The following SREBF2 variants were observed in gnomAD, a reference collection of about 807,000 sequenced individuals.
SREBF2 encodes sterol regulatory element-binding protein 2.
In SREBF2, 55 loss-of-function variants were observed where a neutral mutation model predicts 113.1. The ratio of observed to expected loss-of-function variants is 0.49; its 90% CI spans 0.39 to 0.61. The LOEUF is 0.61. SREBF2 is among the 20% of genes least tolerant of loss of function. The pLI is 0.00. For synonymous variants in SREBF2, 593 were observed against 605.7 expected (o/e 0.98, Z 0.31); for missense variants, 1,349 against 1,487.4 (o/e 0.91, Z 1.53).
Position 41,898,786 on chromosome 22 carries a change from G to T in SREBF2, c.2738+5G>T. 6.2e-7 allele frequency: 1 copy of T among 1,613,854 alleles called. No homozygotes were observed. Among genetic ancestry groups the T allele is most frequent in the Admixed American group, 1.7e-5 (1 of 59,980 alleles). On this transcript the variant is annotated splice_donor_5th_base_variant and intron_variant, in intron 15 of 18. Transcript: ENST00000361204. ...CAAGGCCCTGGAAGTGACAGAGTGC[G>T]TAACCCTCCTTGGCCACTCACTTGC...
chr22:41,865,614 A>G (rs566357282), intron 1 of SREBF2, among the ~76,000 whole-genome samples: 1 of 152,262 alleles, frequency 6.6e-6, no homozygotes, highest in East Asian at 1.9e-4. Context: ...AGCTACTTGG[A>G]ACATGATCTA....
Position 41,897,135 on chromosome 22 carries a change from G to A in SREBF2, c.2579G>A (p.Arg860Lys). The change falls in exon 14 of 19, where the codon AGG (arginine) becomes AAG (lysine). Residue 860 changes from arginine (R) to lysine (K), a missense_variant. Arg to Lys is a conservative substitution (Grantham distance 26). Around this residue, in one of 2 missense-constraint regions of SREBF2, gnomAD observed 650 missense variants for 644.1 expected, o/e 1.01. Transcript: ENST00000361204. ...GGGGTTATGAGCCCCCCACTCTCCAGGAGCTCCGTGCTCAAGTCCGCCCTG... is the reference window on the plus strand; with the variant it reads ...GGGGTTATGAGCCCCCCACTCTCCAAGAGCTCCGTGCTCAAGTCCGCCCTG... ...SVGVMSPPLS[R>K]SSVLKSALGP... is the part of the protein sequence containing the mutation. 1 of 1,611,942 alleles carries A rather than the reference G, an allele frequency of 6.2e-7. No individual in the cohort carries two copies. Among genetic ancestry groups the A allele is most frequent in the African/African-American group, 1.3e-5 (1 of 74,958 alleles).
Position 41,900,443 on chromosome 22 carries a change from A to T in SREBF2, c.2852A>T (p.His951Leu). Residue 951 changes from histidine to leucine, a missense_variant, in exon 16 of 19, where the codon CAC (histidine) becomes CTC (leucine). Physicochemically the swap from His to Leu is moderately conservative, Grantham distance 99. Coordinates refer to ENST00000361204, the MANE Select transcript of SREBF2 (RefSeq NM_004599.4). ...TGCCATTGCGAGAGGGCCAGTGGCCACCTATGGAGCAGCCTCAACGTCAGT... is the reference window on the plus strand; with the variant it reads ...TGCCATTGCGAGAGGGCCAGTGGCCTCCTATGGAGCAGCCTCAACGTCAGT... ...SFCHCERASG[H>L]LWSSLNVSGA... The T allele has an allele frequency of 6.2e-7, 1 of 1,613,866 alleles. No individual in the cohort carries two copies.
chr22:41,896,442 C>G (rs1212743475), intron 13 of SREBF2, among the ~76,000 whole-genome samples: 2 of 152,158 alleles, frequency 1.3e-5, no homozygotes, highest in Non-Finnish European at 2.9e-5. Flanking sequence ...TCACTGCAAC[C>G]TCTGCCTCCT....
At position 41,875,209 on chromosome 22, in the gene SREBF2, G is replaced by GT. The variant is rs1274731204; in HGVS notation, c.1090-128_1090-127insT. 3 of 747,614 alleles carry GT rather than the reference G, an allele frequency of 4.0e-6. No individual in the cohort carries two copies. In the African/African-American group the frequency reaches 5.2e-5, roughly 13 times the overall value. The allele number at this position is 747,614 out of a possible 1,614,324, so 46.3% of individuals were successfully genotyped here. The stretch of plus-strand genomic sequence containing the variant: ...CGAGTGGCACAGCTAATCATTGGGA[G>GT]GACCAGCATCTGAACTTGGTTTCTC... On this transcript the variant is annotated intron_variant, in intron 5 of 18. Transcript: ENST00000361204.
intron 1 of SREBF2, among the ~76,000 whole-genome samples, chr22:41,849,352 C>T (rs1000702900): frequency 5.9e-5 from 9 of 152,070 alleles, no homozygotes; most frequent in Admixed American, 2.0e-4. Flanking sequence ...CCGCCACGCC[C>T]GGCTAACTTT....
intron 12 of SREBF2, among the ~76,000 whole-genome samples, chr22:41,894,102 C>G (rs1226311440): frequency 1.3e-5 from 2 of 152,184 alleles, no homozygotes; most frequent in Admixed American, 6.5e-5. Context: ...CTACCCCACC[C>G]CTGCTGGCTA....
At chr22:41,841,237 A>G (rs1446737487) in intron 1 of SREBF2, among the ~76,000 whole-genome samples, 3 of 152,242 alleles carry the variant, frequency 2.0e-5, no homozygotes, top group Non-Finnish European at 4.4e-5. Flanking sequence ...AAAACTGCTC[A>G]GTGAGATGAA....
In SREBF2 at chr22:41,871,033, C is replaced by T; in HGVS notation, c.865C>T (p.Pro289Ser). The T allele has an allele frequency of 1.2e-6, 2 of 1,614,028 alleles. No homozygotes were observed. The highest frequency in any genetic ancestry group is 1.7e-6 in the Non-Finnish European group (2 of 1,180,010). ...TPIQTAALQV[P>S]TLVGSSGTIL... ...TATCCAGACGGCTGCCCTTCAAGTA[C>T]CAGTAAGAGCTGCCTTCTCCCCCAC... Residue 289 changes from proline (P) to serine (S), a missense_variant and splice_region_variant, in exon 4 of 19, where the codon CCA (proline) becomes TCA (serine). This residue lies in a region of SREBF2 where 699 missense variants were observed against 843.3 expected (regional missense o/e 0.83). Transcript: ENST00000361204.
intron 2 of SREBF2, among the ~76,000 whole-genome samples, chr22:41,867,812 AG>A (rs914615097): frequency 6.8e-6 from 1 of 146,852 alleles, no homozygotes; most frequent in African/African-American, 2.7e-5. Context: ...CATCTTAAAA[AG>A]AAAAAAAAAA....
intron 1 of SREBF2, among the ~76,000 whole-genome samples, chr22:41,835,950 A>C (rs903747240): frequency 6.6e-6 from 1 of 152,254 alleles, no homozygotes; most frequent in African/African-American, 2.4e-5. Context: ...ATGAGTTTAA[A>C]TTACCTAGTG....
intron 1 of SREBF2, among the ~76,000 whole-genome samples, chr22:41,861,199 A>G (rs980383234): frequency 3.5e-4 from 53 of 152,186 alleles, no homozygotes; most frequent in African/African-American, 1.2e-3. Context: ...AACATTGACA[A>G]TGGGCCGGGC....
intron 1 of SREBF2, among the ~76,000 whole-genome samples, chr22:41,837,871 A>G (rs1003238632): frequency 2.6e-5 from 4 of 151,776 alleles, no homozygotes; most frequent in Non-Finnish European, 4.4e-5. Context: ...AAAAAAAAAA[A>G]AAAAGAAAGA....
chr22:41,874,210 G>A (rs2077172241), intron 5 of SREBF2, among the ~76,000 whole-genome samples, 191 bp downstream of exon 5: 1 of 152,122 alleles, frequency 6.6e-6, no homozygotes, highest in South Asian at 2.1e-4. Context: ...GACTGGTGAG[G>A]GTTGATAAGG....
rs751225745 is a variant in SREBF2 at position 41,874,007 on chromosome 22, G to C, written c.1077G>C (p.Gly359=). ...KIIELKDLVM[G]TDAKMHKSGV... is the part of the protein sequence containing the mutation. ...TCGAATTGAAAGACCTGGTCATGGG[G>C]ACAGACGCCAAGGTGGGTGCCAAGC... Residue 359 remains glycine, a synonymous_variant, in exon 5 of 19, where the codon GGG becomes GGC. Transcript: ENST00000361204. 1.2e-6 allele frequency: 2 copies of C among 1,614,138 alleles called. No individual in the cohort carries two copies. The highest frequency in any genetic ancestry group is 1.7e-6 in the Non-Finnish European group (2 of 1,180,018).
At chr22:41,894,080 TC>T (rs1338341569) in intron 12 of SREBF2, among the ~76,000 whole-genome samples, 3 of 152,134 alleles carry the variant, frequency 2.0e-5, no homozygotes, top group South Asian at 2.1e-4. Context: ...GCAAAAGCAA[TC>T]CTAAATCTTT....
At chr22:41,848,224 T>C (rs1023122651) in intron 1 of SREBF2, among the ~76,000 whole-genome samples, 21 of 152,080 alleles carry the variant, frequency 1.4e-4, no homozygotes, top group Non-Finnish European at 1.5e-5. Context: ...TAGCATTAGG[T>C]ATATCTCCCA....
At chr22:41,882,506 C>T (rs2077256766) in intron 10 of SREBF2, among the ~76,000 whole-genome samples, 2 of 152,030 alleles carry the variant, frequency 1.3e-5, no homozygotes, top group Admixed American at 1.3e-4. Flanking sequence ...GAAGAACACC[C>T]TCATCTAAAG....
chr22:41,875,688 C>A lies in SREBF2; in HGVS notation c.1350C>A (p.Asp450Glu). ...SQAGFSPYSIDSEPGSPLLDD... is the reference protein window; with the variant it reads ...SQAGFSPYSIESEPGSPLLDD... The stretch of plus-strand genomic sequence containing the variant: ...CTGGCTTCTCTCCCTACTCCATTGA[C>A]TCTGAGCCAGGAAGCCCTCTATTGG... The change falls in exon 7 of 19, where the codon GAC becomes GAA. Residue 450 changes from aspartate to glutamate, a missense_variant. By Grantham distance (45) the Asp-to-Glu change is conservative (BLOSUM62 2). Around this residue, in one of 2 missense-constraint regions of SREBF2, gnomAD observed 699 missense variants for 843.3 expected, o/e 0.83. Coordinates refer to ENST00000361204, the MANE Select transcript of SREBF2 (RefSeq NM_004599.4). 2 of 1,614,232 alleles carry A rather than the reference C, an allele frequency of 1.2e-6. No individual in the cohort carries two copies. Among genetic ancestry groups the A allele is most frequent in the Non-Finnish European group, 1.7e-6 (2 of 1,180,038 alleles).
Sources: allele counts gnomAD v4.1 joint callset (sites outside exome capture counted in the v4.1 genomes callset), GRCh38; gene constraint gnomAD v4.1.1; regional missense constraint gnomAD v4.1.1; transcripts MANE v1.5; gene names NCBI Gene and HGNC (gene_info 2026-07-23, HGNC 2026-07-21).